CHCHD6: variants seen among roughly 807,000 people sequenced by gnomAD.
CHCHD6 encodes coiled-coil-helix-coiled-coil-helix domain containing 6.
A neutral mutation model predicts 32.3 loss-of-function variants in CHCHD6; 28 were observed. That is an observed-to-expected ratio of 0.87 (90% confidence interval 0.64 to 1.19). The LOEUF is 1.19. CHCHD6 is among the 50% of genes most tolerant of loss of function. CHCHD6 has a pLI of 0.00. For missense variants in CHCHD6, 333 were observed against 307.0 expected, an observed-to-expected ratio of 1.08 and a Z score of -0.63; for synonymous variants, 122 against 117.5, an observed-to-expected ratio of 1.04 and a Z score of -0.25.
At chr3:126,830,050 A>G (rs1474666223) in intron 4 of CHCHD6, among the ~76,000 whole-genome samples, 2 of 152,216 alleles carry the variant, frequency 1.3e-5, no homozygotes, top group African/African-American at 2.4e-5. Flanking sequence ...GTGAGCCGAG[A>G]TCGCACCACT....
Position 126,856,347 on chromosome 3 carries a change from T to G in CHCHD6, c.495+3617T>G, listed in dbSNP as rs1286061877. ...AAGGGCCGGTGGTTCAGATGTTCCTTGTAGATAAGGAATGGATCTCTGGGT... is the reference window on the plus strand; with the variant it reads ...AAGGGCCGGTGGTTCAGATGTTCCTGGTAGATAAGGAATGGATCTCTGGGT... On this transcript the variant is annotated intron_variant, in intron 5 of 7. Transcript: ENST00000290913. Among the ~76,000 whole-genome samples, 3 of 152,138 alleles carry G rather than the reference T, an allele frequency of 2.0e-5. No homozygotes were observed. The East Asian group carries it at 5.8e-4, about 29-fold the overall frequency.
chr3:126,814,680 C>A (rs1274914866), intron 4 of CHCHD6, among the ~76,000 whole-genome samples: 1 of 152,244 alleles, frequency 6.6e-6, no homozygotes, highest in African/African-American at 2.4e-5. Context: ...CCCCCTCCCA[C>A]ATGCCTTGCC....
At chr3:126,806,933 T>C (rs1420388184) in intron 4 of CHCHD6, among the ~76,000 whole-genome samples, 3 of 151,080 alleles carry the variant, frequency 2.0e-5, no homozygotes, top group Non-Finnish European at 4.4e-5. Flanking sequence ...TCATTCTCAG[T>C]AAGCTATCGC....
At chr3:126,720,187 T>C (rs1211147279) in intron 1 of CHCHD6, among the ~76,000 whole-genome samples, 1 of 151,768 alleles carries the variant, frequency 6.6e-6, no homozygotes, top group Non-Finnish European at 1.5e-5. Context: ...CAGCCAAGAG[T>C]CTTTTGCATG....
chr3:126,782,097 C>G (rs1303681001), intron 4 of CHCHD6, among the ~76,000 whole-genome samples: 1 of 152,190 alleles, frequency 6.6e-6, no homozygotes, highest in South Asian at 2.1e-4. Flanking sequence ...TGTGGCTTTA[C>G]TGGTGTTCAT....
rs535647195 is a variant in CHCHD6 at position 126,829,968 on chromosome 3, C to T, written c.412-22679C>T. Among the ~76,000 whole-genome samples the T allele has an allele frequency of 1.5e-4, 23 of 152,172 alleles. No homozygotes were observed. The East Asian group carries it at 2.5e-3, about 17-fold the overall frequency. ...GAAAAATTAGCTGGGTGTTGTGGCA[C>T]GCACATGTAGTCCCAGCTACTTGGG... On this transcript the variant is annotated intron_variant, in intron 4 of 7. Transcript: ENST00000290913.
chr3:126,791,552 C>T (rs1938544196), intron 4 of CHCHD6, among the ~76,000 whole-genome samples: 1 of 152,278 alleles, frequency 6.6e-6, no homozygotes, highest in Non-Finnish European at 1.5e-5. Flanking sequence ...CTCACTGCTT[C>T]CTTGCAGTTG....
At chr3:126,811,820 G>A (rs911350686) in intron 4 of CHCHD6, among the ~76,000 whole-genome samples, 1 of 152,168 alleles carries the variant, frequency 6.6e-6, no homozygotes, top group Non-Finnish European at 1.5e-5. Flanking sequence ...CCATATCATG[G>A]GGGACAGGGC....
intron 5 of CHCHD6, among the ~76,000 whole-genome samples, chr3:126,862,756 T>G (rs1576514314): frequency 6.4e-5 from 2 of 31,134 alleles, no homozygotes; most frequent in Non-Finnish European, 5.9e-5. Context: ...CACCACCTCC[T>G]CCTCCACCAT....
chr3:126,714,565 C>T (rs183809879), intron 1 of CHCHD6, among the ~76,000 whole-genome samples: 58 of 152,246 alleles, frequency 3.8e-4, no homozygotes, highest in African/African-American at 8.2e-4. Flanking sequence ...TGTCGGGCAT[C>T]GGGGTGTTGG....
chr3:126,727,383 T>A (rs1346259253), intron 2 of CHCHD6, among the ~76,000 whole-genome samples, 197 bp downstream of exon 2: 1 of 152,180 alleles, frequency 6.6e-6, no homozygotes, highest in Non-Finnish European at 1.5e-5. Flanking sequence ...CTGCCGGGAT[T>A]CGGGTCGGAC....
intron 4 of CHCHD6, among the ~76,000 whole-genome samples, chr3:126,832,058 T>C (rs1940667744): frequency 6.6e-6 from 1 of 152,236 alleles, no homozygotes; most frequent in Admixed American, 6.5e-5. Context: ...TTAACAATTA[T>C]TCAGCTCTTA....
At chr3:126,753,902 C>G (rs1260022505) in intron 4 of CHCHD6, among the ~76,000 whole-genome samples, 3 of 152,182 alleles carry the variant, frequency 2.0e-5, no homozygotes, top group Non-Finnish European at 4.4e-5. Context: ...CCTGCTTTTC[C>G]TGAGAGGGGT....
intron 4 of CHCHD6, among the ~76,000 whole-genome samples, chr3:126,851,085 A>G (rs1941459670): frequency 6.6e-6 from 1 of 152,178 alleles, no homozygotes; most frequent in Non-Finnish European, 1.5e-5. Flanking sequence ...CCTAGAGGCC[A>G]CTCAGTGATA....
intron 1 of CHCHD6, 50 bp downstream of exon 1, chr3:126,704,449 G>T (rs770458773): frequency 8.9e-5 from 111 of 1,253,438 alleles, no homozygotes; most frequent in Middle Eastern, 5.7e-4. Flanking sequence ...GCGGGCGCGG[G>T]GGGGAGGTGC....
intron 4 of CHCHD6, among the ~76,000 whole-genome samples, chr3:126,822,009 G>T (rs1038516496): frequency 1.3e-5 from 2 of 152,056 alleles, no homozygotes; most frequent in African/African-American, 4.8e-5. Context: ...ATTCTATGGG[G>T]TAACTTTTTG....
intron 6 of CHCHD6, among the ~76,000 whole-genome samples, chr3:126,931,863 C>T (rs575247005): frequency 3.9e-5 from 6 of 152,156 alleles, no homozygotes; most frequent in Admixed American, 2.0e-4. Flanking sequence ...CAGAAAGGCT[C>T]GTCTCATCTC....
At chr3:126,830,395 C>T (rs1171220727) in intron 4 of CHCHD6, among the ~76,000 whole-genome samples, 1 of 152,200 alleles carries the variant, frequency 6.6e-6, no homozygotes, top group Non-Finnish European at 1.5e-5. Flanking sequence ...GCCAGGCTTT[C>T]ACCCTGTGGC....
rs898269129 is a variant in CHCHD6, at chr3:126,878,617, A to T, written c.495+25887A>T. Among the ~76,000 whole-genome samples the T allele has an allele frequency of 2.0e-5, 3 of 152,256 alleles. No individual in the cohort carries two copies. In the South Asian group the frequency reaches 6.2e-4, roughly 31 times the overall value. ...GAAAGGAAAATTGTCTTTACAAAAGAATGCCAACTAGTAAGTACAGAAAGG... is the reference window on the plus strand; with the variant it reads ...GAAAGGAAAATTGTCTTTACAAAAGTATGCCAACTAGTAAGTACAGAAAGG... On this transcript the variant is annotated intron_variant, in intron 5 of 7. Coordinates refer to ENST00000290913, the MANE Select transcript of CHCHD6 (RefSeq NM_032343.3).
Sources: gnomAD v4.1 joint callset for allele counts (sites outside exome capture counted in the v4.1 genomes callset) on GRCh38, gnomAD v4.1.1 for gene constraint, MANE v1.5 for transcripts, NCBI Gene and HGNC (gene_info 2026-07-23, HGNC 2026-07-21) for gene names.